The following RPS6KC1 variants were observed in gnomAD, a reference collection of about 807,000 sequenced individuals.
The protein encoded by RPS6KC1 is ribosomal protein S6 kinase C1, also known as inactive ribosomal protein S6 kinase delta-1.
Under a neutral mutation model 103.8 loss-of-function variants are expected in RPS6KC1, and 54 were observed. The observed-to-expected ratio is 0.52, with a 90% CI of 0.42 to 0.65. The LOEUF is 0.65. Among genes scored for constraint, RPS6KC1 ranks in the 30% least tolerant of loss-of-function variants. The pLI is 0.00. For missense variants in RPS6KC1, 1,151 were observed against 1,253.8 expected, an observed-to-expected ratio of 0.92 and a Z score of 1.24; for synonymous variants, 439 against 438.7, an observed-to-expected ratio of 1.00 and a Z score of -0.01.
At chr1:213,528,379 C>T in the RPS6KC1 span, among the ~76,000 whole-genome samples, 4 of 152,066 alleles carry the variant, frequency 2.6e-5, no homozygotes, top group South Asian at 2.1e-4. Flanking sequence ...GGTAACCACC[C>T]CCATGATTCA....
At chr1:213,071,473 C>G (rs1047354315) in intron 2 of RPS6KC1, among the ~76,000 whole-genome samples, 21 of 152,254 alleles carry the variant, frequency 1.4e-4, no homozygotes, top group African/African-American at 5.1e-4. Flanking sequence ...GTCTTCATTT[C>G]ACAAAACAGT....
chr1:213,159,392 A>C (rs1466161742), intron 6 of RPS6KC1, among the ~76,000 whole-genome samples: 1 of 152,224 alleles, frequency 6.6e-6, no homozygotes, highest in East Asian at 1.9e-4. Context: ...TAAAGCATTG[A>C]TGTGGGGTAA....
the RPS6KC1 span, among the ~76,000 whole-genome samples, chr1:213,363,384 T>C: frequency 6.6e-6 from 1 of 152,204 alleles, no homozygotes; most frequent in Non-Finnish European, 1.5e-5. Context: ...TAGAACATAG[T>C]CTAGTGCTGA....
the RPS6KC1 span, among the ~76,000 whole-genome samples, chr1:213,846,248 C>T: frequency 2.6e-5 from 4 of 151,248 alleles, no homozygotes; most frequent in Non-Finnish European, 4.4e-5. Flanking sequence ...CGCAGTGAAC[C>T]GAGATCACAC....
At chr1:213,543,955 C>T in the RPS6KC1 span, among the ~76,000 whole-genome samples, 1 of 152,236 alleles carries the variant, frequency 6.6e-6, no homozygotes, top group Non-Finnish European at 1.5e-5. Flanking sequence ...GGCTAAGTAA[C>T]CCATTTCAGT....
rs141541042 is a variant in RPS6KC1, at chr1:213,167,489, C to CACA, written c.836-368_836-367insCAA. On this transcript the variant is annotated intron_variant, in intron 6 of 14. Coordinates refer to ENST00000366960, the MANE Select transcript of RPS6KC1 (RefSeq NM_012424.6). ...ACACACACACACACACACACACACA[C>CACA]AACAGCTGTTGCATTTGGTCCTATT... 1.7e-4 allele frequency among the ~76,000 whole-genome samples: 22 copies of CACA among 126,180 alleles called. 1 individual carries two copies. The highest frequency in any genetic ancestry group is 1.4e-3 in the Admixed American group (19 of 13,186). 82.8% of individuals were successfully genotyped at this position (126,180 alleles called of 152,430 possible). A position where few individuals can be genotyped will look rare whatever the true frequency, so the allele number is the denominator to read the frequency against.
rs933448662 is a variant in RPS6KC1, at chr1:213,272,755, A to G, written c.*121A>G. 2 of 683,302 alleles carry G rather than the reference A, an allele frequency of 2.9e-6. No homozygotes were observed. The highest frequency in any genetic ancestry group is 1.7e-5 in the South Asian group (1 of 57,276). 42.3% of individuals were successfully genotyped at this position (683,302 alleles called of 1,614,324 possible). On this transcript the variant is annotated 3_prime_UTR_variant, in exon 15 of 15. Transcript: ENST00000366960. The stretch of plus-strand genomic sequence containing the variant: ...CCAAAGCATTTGGATAAAGACCGTT[A>G]TAGGAAATGGGGGGGAAATGGCTAA...
At chr1:213,530,717 C>T in the RPS6KC1 span, among the ~76,000 whole-genome samples, 1 of 152,236 alleles carries the variant, frequency 6.6e-6, no homozygotes, top group African/African-American at 2.4e-5. Flanking sequence ...GGGCAGAGAT[C>T]CATTAACGTC....
the RPS6KC1 span, among the ~76,000 whole-genome samples, chr1:213,467,860 C>T: frequency 5.9e-5 from 9 of 152,210 alleles, no homozygotes; most frequent in Non-Finnish European, 8.8e-5. Context: ...CATTTCCCCA[C>T]AGATTTGCAT....
At chr1:213,594,187 T>A in the RPS6KC1 span, among the ~76,000 whole-genome samples, 6 of 152,304 alleles carry the variant, frequency 3.9e-5, no homozygotes, top group African/African-American at 1.4e-4. Context: ...CAATGGGTAC[T>A]ATTTCTTCCA....
chr1:213,577,630 G>A, the RPS6KC1 span, among the ~76,000 whole-genome samples: 1 of 152,184 alleles, frequency 6.6e-6, no homozygotes, highest in African/African-American at 2.4e-5. Context: ...GGGAACTGGG[G>A]CAAAGGTGAC....
intron 3 of RPS6KC1, among the ~76,000 whole-genome samples, chr1:213,080,371 A>G (rs2079760562): frequency 6.6e-6 from 1 of 152,126 alleles, no homozygotes; most frequent in African/African-American, 2.4e-5. Context: ...TGTGGACAAT[A>G]TCATTTGTCT....
intron 14 of RPS6KC1, among the ~76,000 whole-genome samples, chr1:213,268,754 CTAT>C (rs2094971030): frequency 6.6e-6 from 1 of 150,898 alleles, no homozygotes; most frequent in African/African-American, 2.4e-5. Context: ...ATTAAAGTTA[CTAT>C]TATTTTGAAG....
the RPS6KC1 span, among the ~76,000 whole-genome samples, chr1:213,534,009 T>C: frequency 6.6e-6 from 1 of 152,230 alleles, no homozygotes; most frequent in Admixed American, 6.5e-5. Context: ...CCACCTTTCT[T>C]GTATATGTTC....
At chr1:213,340,579 T>C in the RPS6KC1 span, among the ~76,000 whole-genome samples, 1 of 152,342 alleles carries the variant, frequency 6.6e-6, no homozygotes, top group African/African-American at 2.4e-5. Context: ...CCATTAAGAC[T>C]GCACCCATAA....
At chr1:213,281,374 A>G in the RPS6KC1 span, among the ~76,000 whole-genome samples, 1 of 152,194 alleles carries the variant, frequency 6.6e-6, no homozygotes, top group South Asian at 2.1e-4. Flanking sequence ...TTCAAACCCT[A>G]AACTGGGGTT....
the RPS6KC1 span, among the ~76,000 whole-genome samples, chr1:213,372,500 G>A: frequency 4.9e-4 from 75 of 152,290 alleles, 1 homozygote; most frequent in East Asian, 1.5e-3. Context: ...GTGTCTGCCC[G>A]TCTACCCTAG....
At chr1:213,203,423 A>C (rs1320265989) in intron 8 of RPS6KC1, among the ~76,000 whole-genome samples, 1 of 152,102 alleles carries the variant, frequency 6.6e-6, no homozygotes, top group Non-Finnish European at 1.5e-5. Flanking sequence ...TTTGGATTTC[A>C]CTGTCATTTT....
At chr1:213,156,628 A>G (rs953595105) in intron 6 of RPS6KC1, among the ~76,000 whole-genome samples, 2 of 152,220 alleles carry the variant, frequency 1.3e-5, no homozygotes, top group African/African-American at 2.4e-5. Context: ...GAACAAAGAT[A>G]TGAATGTCAT....
Sources: allele counts gnomAD v4.1 joint callset (sites outside exome capture counted in the v4.1 genomes callset), GRCh38; gene constraint gnomAD v4.1.1; transcripts MANE v1.5; gene names NCBI Gene and HGNC (gene_info 2026-07-23, HGNC 2026-07-21).